GAS7: variants seen among roughly 807,000 people sequenced by gnomAD.
GAS7 encodes the protein growth arrest specific 7, also known as growth arrest-specific protein 7.
Under a neutral mutation model 71.1 loss-of-function variants are expected in GAS7, and 28 were observed. The observed-to-expected ratio is 0.39, with a 90% CI of 0.29 to 0.54. GAS7 has a LOEUF of 0.54. Among genes scored for constraint, GAS7 ranks in the 20% least tolerant of loss-of-function variants. GAS7 has a pLI of 0.62. For synonymous variants in GAS7, 258 were observed against 245.8 expected, an observed-to-expected ratio of 1.05 and a Z score of -0.46; for missense variants, 436 against 627.8, an observed-to-expected ratio of 0.69 and a Z score of 3.27.
intron 1 of GAS7, among the ~76,000 whole-genome samples, chr17:10,030,507 G>T (rs956942999): frequency 2.0e-5 from 3 of 152,216 alleles, no homozygotes; most frequent in Non-Finnish European, 4.4e-5. Context: ...CACACCTGCA[G>T]TTCTCACCAG....
intron 5 of GAS7, among the ~76,000 whole-genome samples, chr17:9,953,233 C>T (rs573599894): frequency 3.3e-5 from 5 of 152,008 alleles, no homozygotes; most frequent in East Asian, 3.8e-4. Flanking sequence ...CCTTAGCAAA[C>T]GAATGCAGGA....
At chr17:10,170,604 C>T (rs1459316720) in intron 1 of GAS7, among the ~76,000 whole-genome samples, 3 of 152,184 alleles carry the variant, frequency 2.0e-5, no homozygotes, top group East Asian at 1.9e-4. Flanking sequence ...TTCTAGATCA[C>T]CATGCAGTTT....
intron 8 of GAS7, among the ~76,000 whole-genome samples, chr17:9,937,062 T>A (rs1408620386): frequency 6.6e-6 from 1 of 152,224 alleles, no homozygotes; most frequent in African/African-American, 2.4e-5. Flanking sequence ...TAAATGTAAA[T>A]CAGTGTCTTT....
chr17:9,976,663 G>A (rs908047830), intron 3 of GAS7, among the ~76,000 whole-genome samples: 4 of 152,126 alleles, frequency 2.6e-5, no homozygotes, highest in Non-Finnish European at 5.9e-5. Flanking sequence ...CTTTAATCTA[G>A]GTTCCCTGAG....
intron 1 of GAS7, among the ~76,000 whole-genome samples, chr17:10,153,216 A>AAAACAAAGCAAAACAAAAAG: frequency 6.6e-6 from 1 of 151,492 alleles, no homozygotes; most frequent in Admixed American, 6.6e-5. Context: ...TCTCAAAAAA[A>AAAACAAAGCAAAACAAAAAG]AAACACTGGG....
At position 10,019,872 on chromosome 17, in the gene GAS7, G is replaced by A. The variant is rs200563905; in HGVS notation, c.209C>T (p.Pro70Leu). ...LEKPGMVPPP[P>L]GEESQTVILP... ...GATGACCGTCTGGCTTTCTTCTCCC[G>A]GCGGAGGGGGGACCATTCCAGGCTT... The change falls in exon 2 of 14, where the codon CCG (proline) becomes CTG (leucine). Residue 70 changes from proline (P) to leucine (L), a missense_variant. By Grantham distance (98) the Pro-to-Leu change is moderately conservative. Transcript: ENST00000432992. The A allele has an allele frequency of 6.7e-4, 1,089 of 1,613,852 alleles. 1 individual carries two copies. The highest frequency in any genetic ancestry group is 8.7e-4 in the Non-Finnish European group (1,029 of 1,179,836).
rs1414120185 is a variant in GAS7, at chr17:9,959,070, C to G, written c.525+132G>C. 6 of 1,340,588 alleles carry G rather than the reference C, an allele frequency of 4.5e-6. No individual in the cohort carries two copies. Among genetic ancestry groups the G allele is most frequent in the Non-Finnish European group, 6.0e-6 (6 of 1,006,832 alleles). The allele number at this position is 1,340,588 out of a possible 1,614,324, so 83.0% of individuals were successfully genotyped here. ...GTGGATGGGGAACTTGAGTGAAATCCGAGCTTTGGAACTTCCCCGTTTCCA... is the reference window on the plus strand; with the variant it reads ...GTGGATGGGGAACTTGAGTGAAATCGGAGCTTTGGAACTTCCCCGTTTCCA... On this transcript the variant is annotated intron_variant, in intron 5 of 13. Transcript: ENST00000432992. The surrounding 1 kb of genome is among the most constrained non-coding windows in gnomAD (Gnocchi z 5.0).
chr17:10,024,901 T>C (rs965228393), intron 1 of GAS7, among the ~76,000 whole-genome samples: 1 of 152,206 alleles, frequency 6.6e-6, no homozygotes, highest in African/African-American at 2.4e-5. Context: ...GGTCCATCTG[T>C]ACCCATCGAT....
At chr17:10,094,532 G>A (rs928542080) in intron 1 of GAS7, among the ~76,000 whole-genome samples, 8 of 151,904 alleles carry the variant, frequency 5.3e-5, no homozygotes, top group Admixed American at 2.6e-4. Context: ...GCAGCGGCGC[G>A]ATCTCGGCTC....
intron 1 of GAS7, among the ~76,000 whole-genome samples, chr17:10,072,930 G>C (rs1465382819): frequency 6.6e-6 from 1 of 152,120 alleles, no homozygotes; most frequent in Non-Finnish European, 1.5e-5. Flanking sequence ...ACAAGAAAGT[G>C]GTGTCATCAC....
chr17:10,100,209 A>G (rs1250494432), intron 1 of GAS7, among the ~76,000 whole-genome samples: 1 of 152,240 alleles, frequency 6.6e-6, no homozygotes. Flanking sequence ...TGATTTCATT[A>G]TATTTCTAGC....
intron 1 of GAS7, among the ~76,000 whole-genome samples, chr17:10,063,265 C>G (rs1249738889): frequency 6.6e-6 from 1 of 152,218 alleles, no homozygotes; most frequent in Admixed American, 6.5e-5. Flanking sequence ...GCACCTGGCA[C>G]GTGTGTGTGC....
rs1216620360 is a variant in GAS7 at position 10,198,232 on chromosome 17, C to T, written c.159G>A (p.Pro53=). 6.2e-7 allele frequency: 1 copy of T among 1,607,978 alleles called. No individual in the cohort carries two copies. The highest frequency in any genetic ancestry group is 8.5e-7 in the Non-Finnish European group (1 of 1,179,460). Residue 53 remains proline, a synonymous_variant, in exon 1 of 14, where the codon CCG becomes CCA. Coordinates refer to ENST00000432992, the MANE Select transcript of GAS7 (RefSeq NM_201433.2). The stretch of plus-strand genomic sequence containing the variant: ...CCTCCAGCAACTGCACGTAGCTCGC[C>T]GGGAACCAGCCACGGAGCCCGTCCT... The part of the protein sequence containing the change: ...EKEDGLRGWF[P]ASYVQLLEKP...
At position 10,198,531 on chromosome 17, in the gene GAS7, G is replaced by A. The variant is rs1227607839; in HGVS notation, c.-141C>T. 1 of 472,032 alleles carries A rather than the reference G, an allele frequency of 2.1e-6. No homozygotes were observed. Among genetic ancestry groups the A allele is most frequent in the Non-Finnish European group, 3.5e-6 (1 of 289,276 alleles). 29.2% of individuals were successfully genotyped at this position (472,032 alleles called of 1,614,324 possible). A position where few individuals can be genotyped will look rare whatever the true frequency, so the allele number is the denominator to read the frequency against. On this transcript the variant is annotated 5_prime_UTR_variant, in exon 1 of 14. Transcript: ENST00000432992. Reference sequence around the variant, plus strand: ...CGCGCCGTCTCTGGGGTGCGCGGGGGTCCTCAGGCAGGCGGGGGACGCGCG... The same window carrying A: ...CGCGCCGTCTCTGGGGTGCGCGGGGATCCTCAGGCAGGCGGGGGACGCGCG...
At position 9,917,208 on chromosome 17, in the gene GAS7, C is replaced by T. The variant is rs2067610966; in HGVS notation, c.*20G>A. The T allele has an allele frequency of 5.6e-6, 8 of 1,432,896 alleles. No individual in the cohort carries two copies. The highest frequency in any genetic ancestry group is 7.9e-6 in the Non-Finnish European group (8 of 1,014,366). 88.8% of individuals were successfully genotyped at this position (1,432,896 alleles called of 1,614,324 possible). A position where few individuals can be genotyped will look rare whatever the true frequency, so the allele number is the denominator to read the frequency against. Reference sequence around the variant, plus strand: ...CAGCCCCCCTCCCCAGCAGGACCCCCCGAAGCTGCACAGGCCCATCTAGAT... The same window carrying T: ...CAGCCCCCCTCCCCAGCAGGACCCCTCGAAGCTGCACAGGCCCATCTAGAT... On this transcript the variant is annotated 3_prime_UTR_variant, in exon 14 of 14. Coordinates refer to ENST00000432992, the MANE Select transcript of GAS7 (RefSeq NM_201433.2).
At chr17:10,042,711 T>C (rs2152229352) in intron 1 of GAS7, among the ~76,000 whole-genome samples, 1 of 152,272 alleles carries the variant, frequency 6.6e-6, no homozygotes, top group South Asian at 2.1e-4. Context: ...TTGGCTGGGA[T>C]GGTACAGGGA....
At chr17:10,057,483 GC>G (rs1444135896) in intron 1 of GAS7, among the ~76,000 whole-genome samples, 1 of 149,152 alleles carries the variant, frequency 6.7e-6, no homozygotes, top group African/African-American at 2.5e-5. Context: ...CTACCCGGCC[GC>G]CCCATCTGAG....
chr17:10,155,921 C>T (rs2074201648), intron 1 of GAS7, among the ~76,000 whole-genome samples: 3 of 152,160 alleles, frequency 2.0e-5, no homozygotes, highest in African/African-American at 4.8e-5. Context: ...ATTGACACCC[C>T]GCACTCTCTG....
Position 9,974,513 on chromosome 17 carries a change from A to C in GAS7, c.386-4751T>G, listed in dbSNP as rs1195660978. Reference sequence around the variant, plus strand: ...GAACATAATTCAGTCTGGAGATACAAGGAAAAAAAAAAAGCAAATGTCACA... The same window carrying C: ...GAACATAATTCAGTCTGGAGATACACGGAAAAAAAAAAAGCAAATGTCACA... On this transcript the variant is annotated intron_variant, in intron 3 of 13. Transcript: ENST00000432992. This position sits in a 1 kb window ranked among gnomAD's most constrained non-coding sequence, Gnocchi z 4.0. Among the ~76,000 whole-genome samples, 1 of 151,810 alleles carries C rather than the reference A, an allele frequency of 6.6e-6. No homozygotes were observed. The highest frequency in any genetic ancestry group is 1.5e-5 in the Non-Finnish European group (1 of 67,918).
Sources: gnomAD v4.1 joint callset for allele counts (sites outside exome capture counted in the v4.1 genomes callset) on GRCh38, gnomAD v4.1.1 for gene constraint, Gnocchi (gnomAD v3.1) non-coding constraint, MANE v1.5 for transcripts, NCBI Gene and HGNC (gene_info 2026-07-23, HGNC 2026-07-21) for gene names.